Variants in AMBP observed in about 807,000 individuals in gnomAD.
AMBP encodes the protein alpha-1-microglobulin/bikunin precursor, also known as protein AMBP.
A neutral mutation model predicts 46.3 loss-of-function variants in AMBP; 37 were observed. That is an observed-to-expected ratio of 0.80 (90% CI 0.61 to 1.05). The LOEUF is 1.05. Ranked by LOEUF, AMBP falls within the 50% of genes least tolerant of loss-of-function variation. AMBP has a pLI of 0.00. For missense variants in AMBP, 475 were observed against 461.2 expected (o/e 1.03, Z -0.27); for synonymous variants, 174 against 175.9 (o/e 0.99, Z 0.09).
At chr9:114,063,519 T>C (rs545861254) in intron 6 of AMBP, among the ~76,000 whole-genome samples, 20 of 152,224 alleles carry the variant, frequency 1.3e-4, no homozygotes, top group African/African-American at 4.8e-4. Flanking sequence ...TTGATGAGGA[T>C]AGAGAAATGG....
In AMBP at chr9:114,075,042, A is replaced by G; in HGVS notation, c.261-6T>C. 6.2e-7 allele frequency: 1 copy of G among 1,613,494 alleles called. No individual in the cohort carries two copies. Among genetic ancestry groups the G allele is most frequent in the Non-Finnish European group, 8.5e-7 (1 of 1,179,462 alleles). On this transcript the variant is annotated splice_region_variant and splice_polypyrimidine_tract_variant and intron_variant, in intron 2 of 9. Transcript: ENST00000265132. ...TCTCCTCACAGACACCTTTCCTAGA[A>G]ATGAACAAATCAAAAGGAAGGTCAC...
intron 6 of AMBP, among the ~76,000 whole-genome samples, chr9:114,065,187 G>C (rs1466535490): frequency 1.3e-5 from 2 of 151,542 alleles, no homozygotes; most frequent in African/African-American, 2.4e-5. Context: ...CATATACTGG[G>C]GTCCTAACCC....
At chr9:114,077,022 A>G (rs919596326) in intron 1 of AMBP, among the ~76,000 whole-genome samples, 22 of 152,112 alleles carry the variant, frequency 1.4e-4, no homozygotes, top group Non-Finnish European at 2.9e-4. Context: ...CTCTCTCAAG[A>G]TGTGGGATCT....
rs577723610 is a variant in AMBP at position 114,067,456 on chromosome 9, A to C, written c.603+2243T>G. ...CTTTTTGTAGAGATGGAATCTCACT[A>C]TGTGGCCCAGACTGGTCTCAAACTC... On this transcript the variant is annotated intron_variant, in intron 6 of 9. Coordinates refer to ENST00000265132, the MANE Select transcript of AMBP (RefSeq NM_001633.4). Among the ~76,000 whole-genome samples the C allele has an allele frequency of 2.1e-3, 318 of 152,220 alleles. 1 individual carries two copies. The highest frequency in any genetic ancestry group is 2.8e-3 in the Non-Finnish European group (192 of 68,020).
chr9:114,074,214 G>T, intron 3 of AMBP, 62 bp from the exon 4 acceptor site: 1 of 1,324,218 alleles, frequency 7.6e-7, no homozygotes, highest in Non-Finnish European at 1.1e-6. Context: ...CTAGCTGGAG[G>T]TCCGTCACCT....
intron 2 of AMBP, among the ~76,000 whole-genome samples, chr9:114,075,719 A>G (rs75093256): frequency 2.0e-5 from 3 of 152,246 alleles, no homozygotes; most frequent in Non-Finnish European, 4.4e-5. Context: ...GAAGTACCAC[A>G]TGGGGGTAAG....
At chr9:114,077,105 T>A (rs576701119) in intron 1 of AMBP, among the ~76,000 whole-genome samples, 1 of 152,266 alleles carries the variant, frequency 6.6e-6, no homozygotes, top group African/African-American at 2.4e-5. Flanking sequence ...GATGGGGTGC[T>A]CCCCACCTTG....
At chr9:114,062,908 C>A in intron 6 of AMBP, 150 bp from the exon 7 acceptor site, 1 of 722,686 alleles carries the variant, frequency 1.4e-6, no homozygotes, top group Admixed American at 2.6e-5. Context: ...GACTGTTTTC[C>A]CAAAAGTGTC....
chr9:114,061,269 C>T (rs1846634653), intron 8 of AMBP, 155 bp downstream of exon 8: 1 of 1,418,924 alleles, frequency 7.0e-7, no homozygotes, highest in South Asian at 1.3e-5. Flanking sequence ...AGGTCCTCCA[C>T]ATCCAAAGGT....
intron 5 of AMBP, among the ~76,000 whole-genome samples, chr9:114,070,733 TG>T (rs2134852207): frequency 6.6e-6 from 1 of 152,148 alleles, no homozygotes; most frequent in East Asian, 1.9e-4. Context: ...GCCAGTGGCA[TG>T]GCCACCAGGC....
In AMBP at chr9:114,061,536, A is replaced by G. The variant is rs775921891; in HGVS notation, c.741T>C (p.Tyr247=). 38 of 1,613,684 alleles carry G rather than the reference A, an allele frequency of 2.4e-5. No homozygotes were observed. Among genetic ancestry groups the G allele is most frequent in the African/African-American group, 4.0e-5 (3 of 74,924 alleles). The part of the protein sequence containing the change: ...AGPCMGMTSR[Y]FYNGTSMACE... ...AGGCCATGGATGTACCATTATAGAAATACCTGCTGGTCATTCCCATGCAGG... is the reference window on the plus strand; with the variant it reads ...AGGCCATGGATGTACCATTATAGAAGTACCTGCTGGTCATTCCCATGCAGG... The change falls in exon 8 of 10, where the codon TAT becomes TAC. Residue 247 remains tyrosine (Y), a synonymous_variant. Transcript: ENST00000265132.
intron 6 of AMBP, among the ~76,000 whole-genome samples, chr9:114,066,851 CAAT>C (rs1001116529): frequency 6.6e-6 from 1 of 152,146 alleles, no homozygotes; most frequent in Non-Finnish European, 1.5e-5. Flanking sequence ...AAGATAAACT[CAAT>C]GATATCAAGA....
At chr9:114,062,230 C>T (rs747392551) in intron 7 of AMBP, among the ~76,000 whole-genome samples, 7 of 152,162 alleles carry the variant, frequency 4.6e-5, no homozygotes, top group Non-Finnish European at 7.4e-5. Context: ...GGGCCTGGGG[C>T]GGAGCAGGGT....
Position 114,060,230 on chromosome 9 carries a change from G to C in AMBP, c.*9C>G, listed in dbSNP as rs80057939. ...CTGGCCATCCTCTGACTTGCAGACC[G>C]GCCAGTTGTCAGTTGGAGAAGCGCA... On this transcript the variant is annotated 3_prime_UTR_variant, in exon 10 of 10. Coordinates refer to ENST00000265132, the MANE Select transcript of AMBP (RefSeq NM_001633.4). The C allele has an allele frequency of 7.4e-6, 12 of 1,612,496 alleles. No homozygotes were observed. Among genetic ancestry groups the C allele is most frequent in the African/African-American group, 1.3e-5 (1 of 74,960 alleles).
intron 6 of AMBP, among the ~76,000 whole-genome samples, chr9:114,065,525 A>G (rs1290031474): frequency 6.6e-6 from 1 of 152,088 alleles, no homozygotes; most frequent in Non-Finnish European, 1.5e-5. Flanking sequence ...TGAGACAGCA[A>G]ATCTGTGTTG....
rs55940547 is a variant in AMBP at position 114,066,376 on chromosome 9, C to CGTGTGTGTGTGTGTGTGTGTGT, written c.603+3301_603+3322dup. On this transcript the variant is annotated intron_variant, in intron 6 of 9. Transcript: ENST00000265132. The stretch of plus-strand genomic sequence containing the variant: ...TAATCAGAACATGCATTTATGTGCA[C>CGTGTGTGTGTGTGTGTGTGTGT]GTGTGTGTGTGTGTGTGTGTGTGTG... 9.6e-3 allele frequency among the ~76,000 whole-genome samples: 1,358 copies of CGTGTGTGTGTGTGTGTGTGTGT among 141,240 alleles called. 18 individuals are homozygous for CGTGTGTGTGTGTGTGTGTGTGT. The highest frequency in any genetic ancestry group is 0.012 in the East Asian group (57 of 4,642). The allele number at this position is 141,240 out of a possible 152,430, so 92.7% of individuals were successfully genotyped here. A position where few individuals can be genotyped will look rare whatever the true frequency, so the allele number is the denominator to read the frequency against.
At chr9:114,066,936 GTTA>G (rs926511071) in intron 6 of AMBP, among the ~76,000 whole-genome samples, 25 of 151,814 alleles carry the variant, frequency 1.6e-4, no homozygotes, top group African/African-American at 5.6e-4. Flanking sequence ...AGGATGTGTT[GTTA>G]TTATTATTAT....
rs188621595 is a variant in AMBP, at chr9:114,068,966, C to T, written c.603+733G>A. The stretch of plus-strand genomic sequence containing the variant: ...TCTAATGTGTTAACTGTTAATTCTA[C>T]ATAGGAACAAGGACATTTTGTCTTT... On this transcript the variant is annotated intron_variant, in intron 6 of 9. Transcript: ENST00000265132. Among the ~76,000 whole-genome samples, 1,141 of 151,836 alleles carry T rather than the reference C, an allele frequency of 7.5e-3. 7 individuals carry two copies. Among genetic ancestry groups the T allele is most frequent in the Non-Finnish European group, 0.012 (849 of 67,990 alleles).
intron 4 of AMBP, 92 bp from the exon 5 acceptor site, chr9:114,073,118 G>T: frequency 8.7e-7 from 1 of 1,154,146 alleles, no homozygotes; most frequent in South Asian, 1.5e-5. Context: ...TTTCACTTAG[G>T]GAAAATTTGA....
Sources: allele counts gnomAD v4.1 joint callset (sites outside exome capture counted in the v4.1 genomes callset), GRCh38; gene constraint gnomAD v4.1.1; transcripts MANE v1.5; gene names NCBI Gene and HGNC (gene_info 2026-07-23, HGNC 2026-07-21).